RAB10: variants seen among roughly 807,000 people sequenced by gnomAD.
The protein encoded by RAB10 is RAB10, member RAS oncogene family, also known as ras-related protein Rab-10.
A neutral mutation model predicts 25.7 loss-of-function variants in RAB10; 5 were observed. The ratio of observed to expected loss-of-function variants is 0.19; its 90% confidence interval spans 0.10 to 0.41. The LOEUF (loss-of-function observed/expected upper bound fraction) is 0.41. RAB10 is among the 10% of genes least tolerant of loss of function. The probability of loss-of-function intolerance (pLI) is 1.00; values close to 1 mark genes in which losing one functional copy is unlikely to be tolerated. For missense variants in RAB10, 103 were observed against 245.8 expected, an observed-to-expected ratio of 0.42 and a Z score of 3.89; for synonymous variants, 89 against 86.4, an observed-to-expected ratio of 1.03 and a Z score of -0.16.
intron 5 of RAB10, among the ~76,000 whole-genome samples, chr2:26,129,268 CAAAAAAAAAAAAAAAAAA>C (rs58007291): frequency 2.2e-5 from 3 of 133,614 alleles, no homozygotes; most frequent in African/African-American, 8.6e-5. Context: ...GACTCCATCT[CAAAAAAAAAAAAAAAAAA>C]AAAAAAAAAA....
At chr2:26,100,090 T>C (rs1338928095) in intron 2 of RAB10, among the ~76,000 whole-genome samples, 3 of 152,218 alleles carry the variant, frequency 2.0e-5, no homozygotes, top group Non-Finnish European at 4.4e-5. Flanking sequence ...GGCTTACTGA[T>C]GATCTGTTGC....
intron 2 of RAB10, among the ~76,000 whole-genome samples, chr2:26,106,970 G>A (rs1392567445): frequency 6.6e-6 from 1 of 151,856 alleles, no homozygotes; most frequent in Non-Finnish European, 1.5e-5. Flanking sequence ...AAGAGGCTGG[G>A]TGTGGTGGCT....
intron 2 of RAB10, among the ~76,000 whole-genome samples, chr2:26,105,194 T>C (rs1667441028): frequency 6.6e-6 from 1 of 152,146 alleles, no homozygotes; most frequent in Non-Finnish European, 1.5e-5. Flanking sequence ...TGATCAAACA[T>C]AATGTTTAAA....
chr2:26,043,001 T>A (rs1356815454), intron 1 of RAB10, among the ~76,000 whole-genome samples: 1 of 152,114 alleles, frequency 6.6e-6, no homozygotes, highest in African/African-American at 2.4e-5. Flanking sequence ...CCTTGGTGCA[T>A]TGCTGGTGGG....
intron 1 of RAB10, among the ~76,000 whole-genome samples, chr2:26,058,952 C>T (rs1419353988): frequency 2.0e-5 from 3 of 152,194 alleles, no homozygotes; most frequent in African/African-American, 7.2e-5. Context: ...AGAATCTGAA[C>T]TGCTGAGGGC....
chr2:26,103,519 T>C lies in RAB10; in HGVS notation c.188+4797T>C, dbSNP rs191966321. Among the ~76,000 whole-genome samples, 4 of 152,356 alleles carry C rather than the reference T, an allele frequency of 2.6e-5. No homozygotes were observed. In the East Asian group the frequency reaches 5.8e-4, roughly 22 times the overall value. On this transcript the variant is annotated intron_variant, in intron 2 of 5. Coordinates refer to ENST00000264710, the MANE Select transcript of RAB10 (RefSeq NM_016131.5). ...TGATTCTGGTTATAATGAGTTTTTA[T>C]TGGAAGTTTTCTGTTTTTACTTTTA... is the stretch of plus-strand genomic sequence containing the variant.
intron 1 of RAB10, among the ~76,000 whole-genome samples, chr2:26,071,397 T>G (rs1420321240): frequency 6.6e-6 from 1 of 152,158 alleles, no homozygotes; most frequent in Non-Finnish European, 1.5e-5. Flanking sequence ...CTTTTAAGAT[T>G]GGAATTTTGG....
intron 3 of RAB10, among the ~76,000 whole-genome samples, chr2:26,122,616 A>G (rs1172896733): frequency 6.8e-6 from 1 of 147,612 alleles, no homozygotes; most frequent in Non-Finnish European, 1.5e-5. Flanking sequence ...CGACAGAGCG[A>G]CTCTGTCTCA....
At chr2:26,108,884 TA>T (rs1432896132) in intron 2 of RAB10, among the ~76,000 whole-genome samples, 9 of 9,040 alleles carry the variant, frequency 1.0e-3, no homozygotes, top group African/African-American at 4.4e-3. Context: ...GCTTTATATT[TA>T]TTTATTTATT....
intron 5 of RAB10, among the ~76,000 whole-genome samples, chr2:26,130,169 G>A (rs1667984053): frequency 6.6e-6 from 1 of 152,006 alleles, no homozygotes; most frequent in Non-Finnish European, 1.5e-5. Flanking sequence ...GATTTTTTTT[G>A]AAAGAATAGT....
intron 1 of RAB10, among the ~76,000 whole-genome samples, chr2:26,057,434 A>T (rs1036650563): frequency 1.4e-5 from 2 of 139,222 alleles, no homozygotes; most frequent in African/African-American, 2.8e-5. Context: ...GACAGTCTCT[A>T]AAAAAAAAAA....
At chr2:26,066,805 C>T (rs1350285191) in intron 1 of RAB10, among the ~76,000 whole-genome samples, 28 of 117,458 alleles carry the variant, frequency 2.4e-4, no homozygotes, top group African/African-American at 8.3e-4. Context: ...TTTTTTGATA[C>T]GGAGTCTCAC....
At chr2:26,058,902 G>T (rs1393619596) in intron 1 of RAB10, among the ~76,000 whole-genome samples, 1 of 152,152 alleles carries the variant, frequency 6.6e-6, no homozygotes, top group Non-Finnish European at 1.5e-5. Flanking sequence ...TATGACTTCT[G>T]ATTAAGTTTT....
At chr2:26,086,019 G>T (rs1262478695) in intron 1 of RAB10, among the ~76,000 whole-genome samples, 15 of 138,838 alleles carry the variant, frequency 1.1e-4, no homozygotes, top group East Asian at 2.4e-4. Context: ...AAAAAAAAAG[G>T]GGGGGGGCAA....
chr2:26,096,414 A>ATGGC (rs1361751381), intron 1 of RAB10, among the ~76,000 whole-genome samples: 6 of 114,348 alleles, frequency 5.2e-5, no homozygotes, highest in African/African-American at 2.1e-4. Context: ...GGATGGCTGG[A>ATGGC]TGGATGGCTG....
intron 1 of RAB10, among the ~76,000 whole-genome samples, chr2:26,036,203 T>G (rs1301084968): frequency 6.6e-6 from 1 of 152,154 alleles, no homozygotes; most frequent in Non-Finnish European, 1.5e-5. Flanking sequence ...GGCACTGTTT[T>G]TAGGCACTGG....
At chr2:26,123,296 C>T (rs762232942) in intron 3 of RAB10, among the ~76,000 whole-genome samples, 7 of 152,086 alleles carry the variant, frequency 4.6e-5, no homozygotes, top group Admixed American at 3.9e-4. Flanking sequence ...TACTTGCCCC[C>T]GAACACAGTC....
At chr2:26,113,801 T>A (rs1158632959) in intron 3 of RAB10, among the ~76,000 whole-genome samples, 2 of 150,362 alleles carry the variant, frequency 1.3e-5, no homozygotes, top group Non-Finnish European at 3.0e-5. Flanking sequence ...AACAACTATT[T>A]ATAAATGGTA....
chr2:26,042,290 A>G (rs1665907375), intron 1 of RAB10, among the ~76,000 whole-genome samples: 1 of 152,034 alleles, frequency 6.6e-6, no homozygotes, highest in African/African-American at 2.4e-5. Context: ...TGTCAGGATG[A>G]TTTTGCTAAG....
Sources: allele counts gnomAD v4.1 joint callset (sites outside exome capture counted in the v4.1 genomes callset), GRCh38; gene constraint gnomAD v4.1.1; transcripts MANE v1.5; gene names NCBI Gene and HGNC (gene_info 2026-07-23, HGNC 2026-07-21).